Variants in PLA1A observed in about 807,000 individuals in gnomAD.
PLA1A encodes phosphatidylserine-specific phospholipase A1alpha.
Under a neutral mutation model 49.4 loss-of-function variants are expected in PLA1A, and 47 were observed. The ratio of observed to expected loss-of-function variants is 0.95; its 90% CI spans 0.75 to 1.21. The LOEUF is 1.21. PLA1A is among the 50% of genes most tolerant of loss of function. The pLI is 0.00. For missense variants in PLA1A, 561 were observed against 563.9 expected, an observed-to-expected ratio of 0.99 and a Z score of 0.05; for synonymous variants, 224 against 207.9, an observed-to-expected ratio of 1.08 and a Z score of -0.67.
intron 2 of PLA1A, 77 bp downstream of exon 2, chr3:119,607,052 C>A: frequency 1.7e-6 from 2 of 1,186,420 alleles, no homozygotes; most frequent in Non-Finnish European, 1.3e-6. Flanking sequence ...AGTTAGTGGG[C>A]AACAAGGGGA....
chr3:119,612,053 G>A (rs914143247), intron 4 of PLA1A, among the ~76,000 whole-genome samples: 7 of 152,174 alleles, frequency 4.6e-5, no homozygotes, highest in African/African-American at 1.7e-4. Context: ...CTGGAGTTGT[G>A]TAGCAAAAAC....
At chr3:119,619,226 T>C (rs2082894655) in intron 7 of PLA1A, among the ~76,000 whole-genome samples, 1 of 152,188 alleles carries the variant, frequency 6.6e-6, no homozygotes, top group African/African-American at 2.4e-5. Flanking sequence ...TTCACCATGC[T>C]CCCACTGCAC....
At position 119,629,439 on chromosome 3, in the gene PLA1A, T is replaced by C. The variant is rs1461705217; in HGVS notation, c.1342T>C (p.Ser448Pro). The C allele has an allele frequency of 2.5e-6, 4 of 1,609,912 alleles. No individual in the cohort carries two copies. Among genetic ancestry groups the C allele is most frequent in the Non-Finnish European group, 2.6e-6 (3 of 1,176,346 alleles). ...GAACTTACAAGCAAGTGTGACTGTT[T>C]CCTGTGACCTGAAGATAGCCTGTGT... ...PVNLQASVTV[S>P]CDLKIACV Residue 448 changes from serine (S) to proline (P), a missense_variant, in exon 11 of 11, where the codon TCC (serine) becomes CCC (proline). Coordinates refer to ENST00000273371, the MANE Select transcript of PLA1A (RefSeq NM_015900.4).
intron 4 of PLA1A, 29 bp from the exon 5 acceptor site, chr3:119,612,988 A>T (rs1195978965): frequency 7.2e-7 from 1 of 1,397,866 alleles, no homozygotes; most frequent in Non-Finnish European, 9.9e-7. Flanking sequence ...GAGAGGAAAG[A>T]GGTCCCTCAT....
intron 2 of PLA1A, among the ~76,000 whole-genome samples, chr3:119,607,436 G>A (rs1442687236): frequency 1.3e-5 from 2 of 152,170 alleles, no homozygotes; most frequent in Non-Finnish European, 2.9e-5. Flanking sequence ...TATAGTCACT[G>A]AGTCTCAATT....
At chr3:119,603,119 C>T (rs560663105) in intron 1 of PLA1A, among the ~76,000 whole-genome samples, 2 of 152,178 alleles carry the variant, frequency 1.3e-5, no homozygotes, top group South Asian at 4.1e-4. Context: ...AGGTTTCAAT[C>T]TGAGAGAAAA....
intron 5 of PLA1A, among the ~76,000 whole-genome samples, 189 bp from the exon 6 acceptor site, chr3:119,615,823 A>AG (rs758453390): frequency 6.8e-6 from 1 of 147,212 alleles, no homozygotes; most frequent in Non-Finnish European, 1.5e-5. Flanking sequence ...AGAAAGCCTC[A>AG]GAAAAAAAAA....
At chr3:119,613,588 T>C (rs928530962) in intron 5 of PLA1A, among the ~76,000 whole-genome samples, 1 of 152,162 alleles carries the variant, frequency 6.6e-6, no homozygotes, top group Non-Finnish European at 1.5e-5. Context: ...TTCAGTCCAG[T>C]GGAGAATAAG....
At chr3:119,616,155 C>G in intron 6 of PLA1A, 54 bp downstream of exon 6, 1 of 1,132,816 alleles carries the variant, frequency 8.8e-7, no homozygotes, top group South Asian at 1.3e-5. Context: ...TGAAATTCAC[C>G]AACAGCTTTT....
chr3:119,603,174 T>C (rs528205159), intron 1 of PLA1A, among the ~76,000 whole-genome samples: 1 of 18,228 alleles, frequency 5.5e-5, no homozygotes, highest in East Asian at 0.083. Context: ...CTTGACTGAC[T>C]TAAAAAAAAA....
chr3:119,621,508 A>G (rs1307928380), intron 8 of PLA1A, among the ~76,000 whole-genome samples: 1 of 152,232 alleles, frequency 6.6e-6, no homozygotes, highest in East Asian at 1.9e-4. Context: ...TCCCATGCCT[A>G]GCACTCTTGG....
At position 119,617,744 on chromosome 3, in the gene PLA1A, AAAAAAAAAGAAAAGAAAAGAAAAG is replaced by A. The variant is rs552078502; in HGVS notation, c.755-263_755-240del. On this transcript the variant is annotated intron_variant, in intron 6 of 10. Transcript: ENST00000273371. Reference sequence around the variant, plus strand: ...GGTGACAGAGTGAGATTCCGTCTCAAAAAAAAAAGAAAAGAAAAGAAAAGAAAAAAAAGAATGCATCTCAAATCA... The same window carrying A: ...GGTGACAGAGTGAGATTCCGTCTCAAAAAAAAAAGAATGCATCTCAAATCA... Among the ~76,000 whole-genome samples, 207 of 37,732 alleles carry A rather than the reference AAAAAAAAAGAAAAGAAAAGAAAAG, an allele frequency of 5.5e-3. 1 individual carries two copies. Among genetic ancestry groups the A allele is most frequent in the African/African-American group, 0.017 (205 of 11,858 alleles). 24.8% of individuals were successfully genotyped at this position (37,732 alleles called of 152,430 possible).
chr3:119,622,121 G>A lies in PLA1A; in HGVS notation c.1012+2469G>A, dbSNP rs7640154. Among the ~76,000 whole-genome samples, 348 of 138,042 alleles carry A rather than the reference G, an allele frequency of 2.5e-3. 2 individuals carry two copies. The highest frequency in any genetic ancestry group is 0.011 in the African/African-American group (330 of 31,118). The allele number at this position is 138,042 out of a possible 152,430, so 90.6% of individuals were successfully genotyped here. A position where few individuals can be genotyped will look rare whatever the true frequency, so the allele number is the denominator to read the frequency against. On this transcript the variant is annotated intron_variant, in intron 8 of 10. Coordinates refer to ENST00000273371, the MANE Select transcript of PLA1A (RefSeq NM_015900.4). ...GAAGAAGAAGAAGGAGAAGGAGAAG[G>A]AGAAGAAGAGGAAGAGGAGGAGGAG...
chr3:119,628,422 AAC>A (rs1577158929), intron 9 of PLA1A, among the ~76,000 whole-genome samples: 5 of 152,274 alleles, frequency 3.3e-5, no homozygotes, highest in Admixed American at 3.3e-4. Context: ...AAGAACGAGG[AAC>A]AGTTTTTCCA....
intron 1 of PLA1A, among the ~76,000 whole-genome samples, chr3:119,606,501 C>A (rs999853219): frequency 6.6e-6 from 1 of 152,208 alleles, no homozygotes; most frequent in Non-Finnish European, 1.5e-5. Flanking sequence ...CAGCCCGGAA[C>A]AACAGCCATT....
chr3:119,619,214 G>A (rs143567810), intron 7 of PLA1A, among the ~76,000 whole-genome samples: 125 of 152,272 alleles, frequency 8.2e-4, no homozygotes, highest in African/African-American at 2.8e-3. Context: ...AACACTTCCT[G>A]CTTCACCATG....
At chr3:119,619,524 C>G (rs1013536846) in intron 7 of PLA1A, 39 bp from the exon 8 acceptor site, 1 of 1,417,718 alleles carries the variant, frequency 7.1e-7, no homozygotes, top group Non-Finnish European at 1.0e-6. Context: ...CTAAGATAGC[C>G]TTCTCAGGAC....
chr3:119,605,223 T>C (rs116113528), intron 1 of PLA1A, among the ~76,000 whole-genome samples: 3,490 of 152,306 alleles, frequency 0.023, 60 homozygotes, highest in Middle Eastern at 0.065. Context: ...GCCGGCACTC[T>C]CAGAGTGGGC....
intron 4 of PLA1A, among the ~76,000 whole-genome samples, chr3:119,612,643 T>G (rs2082784102): frequency 6.6e-6 from 1 of 152,118 alleles, no homozygotes; most frequent in South Asian, 2.1e-4. Flanking sequence ...CGCCCGCCAC[T>G]ACGCCCAGCT....
Sources: allele counts gnomAD v4.1 joint callset (sites outside exome capture counted in the v4.1 genomes callset), GRCh38; gene constraint gnomAD v4.1.1; transcripts MANE v1.5; gene names NCBI Gene and HGNC (gene_info 2026-07-23, HGNC 2026-07-21).